GLIS3: variants seen among roughly 807,000 people sequenced by gnomAD.
GLIS3 encodes the protein GLIS family zinc finger 3, also known as zinc finger protein GLIS3.
GLIS3 carries 53 observed loss-of-function variants against 78.6 expected under a neutral mutation model. The observed-to-expected ratio is 0.67, with a 90% CI of 0.54 to 0.85. GLIS3 has a LOEUF of 0.85. Ranked by LOEUF, GLIS3 falls within the 40% of genes least tolerant of loss-of-function variation. The probability of loss-of-function intolerance (pLI) is 0.00; values close to 1 mark genes in which losing one functional copy is unlikely to be tolerated. For synonymous variants in GLIS3, 684 were observed against 509.9 expected (o/e 1.34, Z -4.60); for missense variants, 1,703 against 1,231.1 (o/e 1.38, Z -5.74).
chr9:4,226,904 C>T (rs1245768143), intron 2 of GLIS3, among the ~76,000 whole-genome samples: 1 of 152,138 alleles, frequency 6.6e-6, no homozygotes, highest in Admixed American at 6.5e-5. Context: ...AAAACTGACC[C>T]ATCCAGTTTT....
intron 4 of GLIS3, among the ~76,000 whole-genome samples, chr9:4,010,368 T>C (rs1821903675): frequency 6.6e-6 from 1 of 152,176 alleles, no homozygotes; most frequent in Non-Finnish European, 1.5e-5. Context: ...CAAATATTAA[T>C]TTATTTCCTA....
the GLIS3 span, among the ~76,000 whole-genome samples, chr9:4,487,114 C>T: frequency 6.6e-6 from 1 of 152,172 alleles, no homozygotes; most frequent in African/African-American, 2.4e-5. Flanking sequence ...ATTCTCCTGC[C>T]TCAGCCTCTC....
At chr9:4,263,390 C>T (rs533335260) in intron 2 of GLIS3, among the ~76,000 whole-genome samples, 1 of 151,940 alleles carries the variant, frequency 6.6e-6, no homozygotes, top group African/African-American at 2.4e-5. Flanking sequence ...AATGTTGAAC[C>T]AAATACAGAC....
chr9:4,058,063 A>T (rs978948077), intron 4 of GLIS3, among the ~76,000 whole-genome samples: 1 of 152,232 alleles, frequency 6.6e-6, no homozygotes, highest in African/African-American at 2.4e-5. Flanking sequence ...TAAGGACAAA[A>T]GACAAAGAGA....
At chr9:4,320,842 C>G (rs1310192641) in intron 2 of GLIS3, among the ~76,000 whole-genome samples, 1 of 152,180 alleles carries the variant, frequency 6.6e-6, no homozygotes, top group Admixed American at 6.5e-5. Context: ...GCGGTCCATC[C>G]ATATTCATTC....
the GLIS3 span, among the ~76,000 whole-genome samples, chr9:4,484,234 T>A: frequency 4.4e-3 from 624 of 140,412 alleles, 5 homozygotes; most frequent in African/African-American, 0.015. Context: ...TAACTTTTTT[T>A]TTTTATTTTT....
At chr9:3,838,745 G>GAAAAA (rs34666267) in intron 9 of GLIS3, among the ~76,000 whole-genome samples, 46 of 246 alleles carry the variant, frequency 0.19, no homozygotes, top group Non-Finnish European at 0.41. Flanking sequence ...GATGGGAAAG[G>GAAAAA]AAAAGGGACA....
chr9:4,386,596 G>A, the GLIS3 span: 3 of 152,154 alleles, frequency 2.0e-5, no homozygotes, highest in Non-Finnish European at 4.4e-5. Context: ...AGTACTCCAT[G>A]GTGTGGGAGC....
At chr9:3,883,734 C>G (rs60247601) in intron 7 of GLIS3, among the ~76,000 whole-genome samples, 2,492 of 152,314 alleles carry the variant, frequency 0.016, 69 homozygotes, top group African/African-American at 0.057. Flanking sequence ...TTCAAGGCTG[C>G]AAGAGGGCTT....
intron 4 of GLIS3, among the ~76,000 whole-genome samples, chr9:4,034,331 G>A (rs990655255): frequency 6.6e-6 from 1 of 152,090 alleles, no homozygotes; most frequent in Non-Finnish European, 1.5e-5. Flanking sequence ...ATAATCAAAA[G>A]CAGGATTCCA....
At chr9:4,228,385 G>A (rs182869861) in intron 2 of GLIS3, among the ~76,000 whole-genome samples, 2 of 152,124 alleles carry the variant, frequency 1.3e-5, no homozygotes, top group African/African-American at 4.8e-5. Context: ...GAAGCTCTGA[G>A]AGTACATAAC....
intron 6 of GLIS3, among the ~76,000 whole-genome samples, chr9:3,909,684 AACAAAACT>A (rs1277253342): frequency 6.6e-6 from 1 of 152,220 alleles, no homozygotes. Context: ...GTATGGACAC[AACAAAACT>A]AATGATTATT....
At chr9:4,292,574 T>C (rs1023486778) in intron 1 of GLIS3, among the ~76,000 whole-genome samples, 1 of 152,200 alleles carries the variant, frequency 6.6e-6, no homozygotes, top group Non-Finnish European at 1.5e-5. Flanking sequence ...TTGACATTTT[T>C]GGCTTTATAA....
chr9:4,019,915 C>G (rs1588465866), intron 4 of GLIS3, among the ~76,000 whole-genome samples: 1 of 151,538 alleles, frequency 6.6e-6, no homozygotes. Flanking sequence ...AAATTAGCAT[C>G]TGGCTAACAT....
intron 4 of GLIS3, among the ~76,000 whole-genome samples, chr9:3,991,277 C>T (rs1406780165): frequency 1.3e-5 from 2 of 152,018 alleles, no homozygotes; most frequent in East Asian, 1.9e-4. Flanking sequence ...AGACAAATGT[C>T]CATTTTGACT....
the GLIS3 span, among the ~76,000 whole-genome samples, chr9:4,389,232 G>A: frequency 2.6e-5 from 4 of 152,204 alleles, no homozygotes; most frequent in Admixed American, 1.3e-4. Context: ...AAAGGATAGA[G>A]ATGAGATTCA....
intron 2 of GLIS3, among the ~76,000 whole-genome samples, chr9:4,314,298 T>A (rs1331831248): frequency 6.6e-6 from 1 of 152,248 alleles, no homozygotes; most frequent in Non-Finnish European, 1.5e-5. Flanking sequence ...TGACTTCCAG[T>A]CCAGTGCTCT....
intron 8 of GLIS3, among the ~76,000 whole-genome samples, chr9:3,870,121 C>T (rs1267549327): frequency 1.3e-5 from 2 of 152,180 alleles, no homozygotes; most frequent in African/African-American, 2.4e-5. Flanking sequence ...AGTTGAAAAT[C>T]GTTGCTGTCT....
At chr9:4,336,533 A>C (rs1384661525) in intron 2 of GLIS3, among the ~76,000 whole-genome samples, 3 of 152,124 alleles carry the variant, frequency 2.0e-5, no homozygotes, top group Non-Finnish European at 4.4e-5. Context: ...TGGCATCCTC[A>C]CATGAGCCCT....
Sources: allele counts gnomAD v4.1 joint callset (sites outside exome capture counted in the v4.1 genomes callset), GRCh38; gene constraint gnomAD v4.1.1; transcripts MANE v1.5; gene names NCBI Gene and HGNC (gene_info 2026-07-23, HGNC 2026-07-21).